Variants in AP2B1 observed in about 807,000 individuals in gnomAD.
The protein encoded by AP2B1 is AP-2 complex subunit beta.
Under a neutral mutation model 102.0 loss-of-function variants are expected in AP2B1, and 23 were observed. The ratio of observed to expected loss-of-function variants is 0.23; its 90% CI spans 0.16 to 0.32. AP2B1 has a LOEUF of 0.32. AP2B1 is among the 10% of genes least tolerant of loss of function. The probability of loss-of-function intolerance (pLI) is 1.00; values close to 1 mark genes in which losing one functional copy is unlikely to be tolerated. For synonymous variants in AP2B1, 381 were observed against 421.2 expected (o/e 0.90, Z 1.17); for missense variants, 541 against 1,157.4 (o/e 0.47, Z 7.73).
chr17:35,608,684 TTA>T (rs1323046250), intron 5 of AP2B1, among the ~76,000 whole-genome samples: 2 of 152,174 alleles, frequency 1.3e-5, no homozygotes, highest in Admixed American at 6.5e-5. Flanking sequence ...GGCCGTAAAT[TTA>T]TATATATTTA....
At chr17:35,647,967 A>G (rs185976090) in intron 12 of AP2B1, among the ~76,000 whole-genome samples, 19 of 151,528 alleles carry the variant, frequency 1.3e-4, no homozygotes, top group Middle Eastern at 3.4e-3. Flanking sequence ...TCTCAGCTCA[A>G]TGCAACCTCC....
chr17:35,651,787 G>C (rs567499620), intron 13 of AP2B1, among the ~76,000 whole-genome samples: 1 of 152,190 alleles, frequency 6.6e-6, no homozygotes, highest in East Asian at 1.9e-4. Context: ...GTTTACAGCA[G>C]GTGCTATAAT....
chr17:35,698,754 T>C (rs1038554329), intron 18 of AP2B1, among the ~76,000 whole-genome samples: 1 of 152,204 alleles, frequency 6.6e-6, no homozygotes, highest in Admixed American at 6.5e-5. Flanking sequence ...GGATTCTCTT[T>C]TAAAGAAGTA....
chr17:35,663,275 A>G (rs376014684), intron 14 of AP2B1, among the ~76,000 whole-genome samples: 4 of 152,208 alleles, frequency 2.6e-5, no homozygotes, highest in South Asian at 4.1e-4. Flanking sequence ...ACGTTTAGTC[A>G]AGGCTGGCCT....
At chr17:35,708,849 T>C (rs587612224) in intron 18 of AP2B1, among the ~76,000 whole-genome samples, 2 of 152,304 alleles carry the variant, frequency 1.3e-5, no homozygotes, top group African/African-American at 2.4e-5. Flanking sequence ...GGGAATGATA[T>C]CTACTTTGTT....
chr17:35,715,195 G>T lies in AP2B1; in HGVS notation c.2627-2000G>T, dbSNP rs141778323. Among the ~76,000 whole-genome samples the T allele has an allele frequency of 5.0e-4, 76 of 152,310 alleles. 1 individual carries two copies. In the East Asian group the frequency reaches 0.013, roughly 27 times the overall value. ...AGTCATTCATTAGGAACAGAGTCAG[G>T]TTGCTGGCCAGAATGCTTCCAAATG... On this transcript the variant is annotated intron_variant, in intron 20 of 21. Transcript: ENST00000610402.
At chr17:35,600,628 TAAAA>T (rs2073447457) in intron 3 of AP2B1, among the ~76,000 whole-genome samples, 1 of 152,114 alleles carries the variant, frequency 6.6e-6, no homozygotes, top group Non-Finnish European at 1.5e-5. Context: ...TGCAAAAAAA[TAAAA>T]AAGCAGTGTC....
chr17:35,684,180 A>G (rs1354088530), intron 18 of AP2B1, among the ~76,000 whole-genome samples: 1 of 152,210 alleles, frequency 6.6e-6, no homozygotes, highest in Non-Finnish European at 1.5e-5. Context: ...TGAGCTCACA[A>G]TTTAACAGGA....
chr17:35,709,078 TGGGCCAG>T, intron 18 of AP2B1, 139 bp from the exon 19 acceptor site: 1 of 676,662 alleles, frequency 1.5e-6, no homozygotes, highest in Non-Finnish European at 2.6e-6. Context: ...TTGCAGTATA[TGGGCCAG>T]TTTGTTTGAT....
In AP2B1 at chr17:35,699,511, G is replaced by A. The variant is rs587732608; in HGVS notation, c.2455-9713G>A. 2.6e-5 allele frequency among the ~76,000 whole-genome samples: 4 copies of A among 152,298 alleles called. No individual in the cohort carries two copies. The South Asian group carries it at 6.2e-4, about 24-fold the overall frequency. On this transcript the variant is annotated intron_variant, in intron 18 of 21. Coordinates refer to ENST00000610402, the MANE Select transcript of AP2B1 (RefSeq NM_001030006.2). ...TCATGTAATACCCCTGATCTATTGGGTGGACTGAGAAAGAATATGGGAAGA... is the reference window on the plus strand; with the variant it reads ...TCATGTAATACCCCTGATCTATTGGATGGACTGAGAAAGAATATGGGAAGA...
intron 4 of AP2B1, among the ~76,000 whole-genome samples, chr17:35,606,761 G>A (rs905922758): frequency 3.3e-5 from 5 of 152,030 alleles, no homozygotes; most frequent in African/African-American, 1.2e-4. Context: ...CTTTATATTT[G>A]TCAAGATAAG....
At position 35,723,666 on chromosome 17, in the gene AP2B1, C is replaced by T. The variant is rs2085467225; in HGVS notation, c.2823C>T (p.Ile941=). Residue 941 remains isoleucine, a synonymous_variant, in exon 22 of 22, where the codon ATC becomes ATT. Transcript: ENST00000610402. ...KCRAPEVSQY[I]YQVYDSILKN ...GAGCTCCTGAAGTCTCTCAATACAT[C>T]TATCAGGTCTACGACAGCATTTTGA... The T allele has an allele frequency of 1.2e-6, 2 of 1,600,826 alleles. No individual in the cohort carries two copies. The highest frequency in any genetic ancestry group is 1.7e-6 in the Non-Finnish European group (2 of 1,173,022).
chr17:35,666,028 A>G (rs551560989), intron 14 of AP2B1, among the ~76,000 whole-genome samples: 1 of 152,272 alleles, frequency 6.6e-6, no homozygotes, highest in South Asian at 2.1e-4. Flanking sequence ...TCCCCTATAT[A>G]ACTTCAATCT....
intron 5 of AP2B1, among the ~76,000 whole-genome samples, chr17:35,617,335 C>T (rs540663191): frequency 8.5e-5 from 13 of 152,228 alleles, no homozygotes; most frequent in African/African-American, 2.9e-4. Context: ...GGATTACAGG[C>T]GTGAGTGAGC....
chr17:35,595,588 A>G (rs932238618), intron 2 of AP2B1, among the ~76,000 whole-genome samples: 1 of 152,150 alleles, frequency 6.6e-6, no homozygotes, highest in Admixed American at 6.6e-5. Flanking sequence ...GATTATTTTA[A>G]TGTGCAGCCA....
At chr17:35,664,121 C>T (rs2075412366) in intron 14 of AP2B1, among the ~76,000 whole-genome samples, 1 of 152,118 alleles carries the variant, frequency 6.6e-6, no homozygotes, top group Admixed American at 6.5e-5. Flanking sequence ...CACCAGTGAG[C>T]TGTAATAAAG....
chr17:35,671,993 A>G (rs1432870034), intron 16 of AP2B1, 93 bp downstream of exon 16: 2 of 1,449,056 alleles, frequency 1.4e-6, no homozygotes, highest in Admixed American at 3.8e-5. Flanking sequence ...CTGGTAATAA[A>G]TCAAAGGTTT....
rs2085481130 is a variant in AP2B1 at position 35,724,240 on chromosome 17, C to T, written c.*541C>T. The T allele has an allele frequency of 6.5e-6, 1 of 152,700 alleles. No homozygotes were observed. The allele number at this position is 152,700 out of a possible 1,614,324, so 9.5% of individuals were successfully genotyped here. ...CCCTAGCTTTTGATGGGTTCTCTTA[C>T]CTGTAGTAGCCTTATCCCTGGTCAT... On this transcript the variant is annotated 3_prime_UTR_variant, in exon 22 of 22. Coordinates refer to ENST00000610402, the MANE Select transcript of AP2B1 (RefSeq NM_001030006.2).
intron 18 of AP2B1, among the ~76,000 whole-genome samples, chr17:35,695,674 CT>C (rs2076127955): frequency 6.6e-6 from 1 of 152,286 alleles, no homozygotes; most frequent in Non-Finnish European, 1.5e-5. Flanking sequence ...CTCTCCACTT[CT>C]AGCAGCCTAC....
Sources: allele counts gnomAD v4.1 joint callset (sites outside exome capture counted in the v4.1 genomes callset), GRCh38; gene constraint gnomAD v4.1.1; transcripts MANE v1.5; gene names NCBI Gene and HGNC (gene_info 2026-07-23, HGNC 2026-07-21).